The following SYN3 variants were observed in gnomAD, a reference collection of about 807,000 sequenced individuals.
SYN3 encodes the protein synapsin III.
In SYN3, 35 loss-of-function variants were observed where a neutral mutation model predicts 65.8. The observed-to-expected ratio is 0.53, with a 90% CI of 0.41 to 0.70. The LOEUF (loss-of-function observed/expected upper bound fraction) is 0.70, where lower values mean the gene tolerates loss of function less well. SYN3 is among the 30% of genes least tolerant of loss of function. SYN3 has a pLI of 0.00. For synonymous variants in SYN3, 270 were observed against 292.9 expected, an observed-to-expected ratio of 0.92 and a Z score of 0.80; for missense variants, 680 against 749.0, an observed-to-expected ratio of 0.91 and a Z score of 1.08.
Position 32,857,235 on chromosome 22 carries a change from C to T in SYN3, c.711+7680G>A, listed in dbSNP as rs753332932. On this transcript the variant is annotated intron_variant, in intron 6 of 13. Transcript: ENST00000358763. ...CTGGGAAAGAAGAAGTCATGATGTTCCTTTTGCCCACAGATGTACCGAGGC... is the reference window on the plus strand; with the variant it reads ...CTGGGAAAGAAGAAGTCATGATGTTTCTTTTGCCCACAGATGTACCGAGGC... The T allele has an allele frequency of 1.4e-5, 23 of 1,600,262 alleles. No individual in the cohort carries two copies. In the Admixed American group the frequency reaches 3.8e-4, roughly 27 times the overall value.
At chr22:32,833,137 G>C (rs2146141025) in intron 6 of SYN3, among the ~76,000 whole-genome samples, 1 of 152,248 alleles carries the variant, frequency 6.6e-6, no homozygotes, top group Middle Eastern at 3.4e-3. Context: ...AAGTGGGGAA[G>C]GTGAACTCTC....
chr22:32,587,403 C>T (rs1310440981), intron 7 of SYN3, among the ~76,000 whole-genome samples: 1 of 151,884 alleles, frequency 6.6e-6, no homozygotes, highest in East Asian at 1.9e-4. Flanking sequence ...GAACTCCCTC[C>T]CCCTGAACAC....
chr22:32,727,168 T>C (rs946272003), intron 6 of SYN3, among the ~76,000 whole-genome samples: 12 of 152,122 alleles, frequency 7.9e-5, no homozygotes, highest in African/African-American at 2.9e-4. Context: ...AGGCTCAGTG[T>C]GTGTTGTTTC....
chr22:32,997,958 C>T (rs909816186), intron 2 of SYN3, among the ~76,000 whole-genome samples: 1 of 148,390 alleles, frequency 6.7e-6, no homozygotes, highest in Non-Finnish European at 1.5e-5. Context: ...ACCCGGGAGA[C>T]GGAGCTTGCA....
intron 7 of SYN3, among the ~76,000 whole-genome samples, chr22:32,557,333 C>T (rs2058518291): frequency 2.0e-5 from 3 of 152,144 alleles, no homozygotes; most frequent in African/African-American, 4.8e-5. Flanking sequence ...CAGAAGTCTT[C>T]CCCAGTGAGG....
intron 6 of SYN3, among the ~76,000 whole-genome samples, chr22:32,621,035 G>A (rs1443960495): frequency 6.6e-6 from 1 of 152,124 alleles, no homozygotes; most frequent in Non-Finnish European, 1.5e-5. Context: ...CACTTTTGAT[G>A]GCTGAAGTTG....
chr22:32,646,996 G>A (rs574937237), intron 6 of SYN3, among the ~76,000 whole-genome samples: 1 of 152,294 alleles, frequency 6.6e-6, no homozygotes, highest in East Asian at 1.9e-4. Flanking sequence ...GCTGGTTGCT[G>A]GGAACCAAGT....
intron 12 of SYN3, chr22:32,518,589 CAT>C (rs1360086309): frequency 1.7e-5 from 11 of 630,196 alleles, no homozygotes; most frequent in African/African-American, 7.2e-5. Flanking sequence ...CTGTTGATAA[CAT>C]ATGCTAAATA....
intron 7 of SYN3, among the ~76,000 whole-genome samples, chr22:32,596,160 C>T (rs766552727): frequency 2.0e-5 from 3 of 152,342 alleles, no homozygotes; most frequent in East Asian, 1.9e-4. Flanking sequence ...GCTTCCCTTT[C>T]GCCTTCTGAC....
At chr22:32,730,275 A>G (rs963097279) in intron 6 of SYN3, among the ~76,000 whole-genome samples, 1 of 152,242 alleles carries the variant, frequency 6.6e-6, no homozygotes, top group Non-Finnish European at 1.5e-5. Context: ...GCATCAGACC[A>G]TATAATGGTC....
chr22:32,725,970 C>T (rs892901027), intron 6 of SYN3, among the ~76,000 whole-genome samples: 5 of 152,162 alleles, frequency 3.3e-5, no homozygotes, highest in Admixed American at 1.3e-4. Flanking sequence ...ACATACAAGG[C>T]CCTGCTTGCT....
At chr22:32,565,279 A>G (rs1874027630) in intron 7 of SYN3, among the ~76,000 whole-genome samples, 2 of 152,218 alleles carry the variant, frequency 1.3e-5, no homozygotes, top group Admixed American at 6.5e-5. Flanking sequence ...TGCAGGTGAA[A>G]CCATGGGAGT....
At chr22:32,670,319 G>A (rs1241911088) in intron 6 of SYN3, among the ~76,000 whole-genome samples, 1 of 152,170 alleles carries the variant, frequency 6.6e-6, no homozygotes, top group Non-Finnish European at 1.5e-5. Flanking sequence ...GGAGAATAGA[G>A]ATTTGAGGAG....
chr22:32,765,911 C>T (rs1044531022), intron 6 of SYN3, among the ~76,000 whole-genome samples: 1 of 152,070 alleles, frequency 6.6e-6, no homozygotes, highest in African/African-American at 2.4e-5. Context: ...GAGAGTAATC[C>T]CTTATAAGCT....
In SYN3 at chr22:32,562,051, G is replaced by A. The variant is rs564373542; in HGVS notation, c.775-20338C>T. ...GAAGGAGTGAAGCCAAGCATGAGGT[G>A]GGTTGAATTCTTCTTCCAATCCGAG... On this transcript the variant is annotated intron_variant, in intron 7 of 13. Coordinates refer to ENST00000358763, the MANE Select transcript of SYN3 (RefSeq NM_003490.4). Among the ~76,000 whole-genome samples the A allele has an allele frequency of 1.9e-3, 286 of 152,274 alleles. 1 individual carries two copies. The highest frequency in any genetic ancestry group is 6.6e-3 in the African/African-American group (276 of 41,550).
intron 7 of SYN3, among the ~76,000 whole-genome samples, chr22:32,543,484 A>G (rs77856803): frequency 0.026 from 4,024 of 152,230 alleles, 188 homozygotes; most frequent in African/African-American, 0.092. Context: ...TCTCTGAGTG[A>G]TGACTCCAGG....
At chr22:32,632,961 T>C (rs186367401) in intron 6 of SYN3, among the ~76,000 whole-genome samples, 1 of 152,342 alleles carries the variant, frequency 6.6e-6, no homozygotes, top group East Asian at 1.9e-4. Flanking sequence ...TGAGAATTTA[T>C]ATAGTGGTCA....
At chr22:32,933,976 G>C (rs541283274) in intron 3 of SYN3, among the ~76,000 whole-genome samples, 1 of 152,298 alleles carries the variant, frequency 6.6e-6, no homozygotes, top group South Asian at 2.1e-4. Flanking sequence ...CAAACCGGGA[G>C]TACTTACGCC....
intron 3 of SYN3, among the ~76,000 whole-genome samples, chr22:32,977,561 T>G (rs996102326): frequency 6.6e-6 from 1 of 151,902 alleles, no homozygotes; most frequent in Non-Finnish European, 1.5e-5. Context: ...CTGGACAACA[T>G]GGTGAAACCC....
Sources: gnomAD v4.1 joint callset for allele counts (sites outside exome capture counted in the v4.1 genomes callset) on GRCh38, gnomAD v4.1.1 for gene constraint, MANE v1.5 for transcripts, NCBI Gene and HGNC (gene_info 2026-07-23, HGNC 2026-07-21) for gene names.